The following ASPH variants were observed in gnomAD, a reference collection of about 807,000 sequenced individuals.
ASPH encodes the protein aspartate beta-hydroxylase.
In ASPH, 100 loss-of-function variants were observed where a neutral mutation model predicts 118.4. The ratio of observed to expected loss-of-function variants is 0.84; its 90% confidence interval spans 0.72 to 1.00. The LOEUF (loss-of-function observed/expected upper bound fraction) is 1.00, where lower values mean the gene tolerates loss of function less well. ASPH is among the 50% of genes least tolerant of loss of function. The probability of loss-of-function intolerance (pLI) is 0.00; values close to 1 mark genes in which losing one functional copy is unlikely to be tolerated. For missense variants in ASPH, 920 were observed against 919.5 expected (o/e 1.00, Z -0.01); for synonymous variants, 315 against 325.6 (o/e 0.97, Z 0.35).
At chr8:61,705,501 T>C (rs1449058827) in intron 1 of ASPH, among the ~76,000 whole-genome samples, 4 of 152,040 alleles carry the variant, frequency 2.6e-5, no homozygotes. Flanking sequence ...CTAAAAAATA[T>C]TATGCTGAGT....
intron 21 of ASPH, among the ~76,000 whole-genome samples, chr8:61,546,767 G>A (rs1824029054): frequency 6.6e-6 from 1 of 152,166 alleles, no homozygotes; most frequent in Admixed American, 6.5e-5. Flanking sequence ...ATTAATCAGT[G>A]AAGTCTTGTA....
At chr8:61,550,178 T>C (rs1198741947) in intron 20 of ASPH, among the ~76,000 whole-genome samples, 1 of 152,114 alleles carries the variant, frequency 6.6e-6, no homozygotes, top group Non-Finnish European at 1.5e-5. Flanking sequence ...AAAAAAAACC[T>C]AAACTACTTT....
intron 19 of ASPH, among the ~76,000 whole-genome samples, chr8:61,553,610 T>TTC (rs143859401): frequency 0.29 from 44,327 of 151,868 alleles, 8,451 homozygotes; most frequent in African/African-American, 0.54. Context: ...GATTTTTTTT[T>TTC]TTTTTACAAA....
At chr8:61,616,113 A>G (rs1015033468) in intron 14 of ASPH, among the ~76,000 whole-genome samples, 1 of 152,188 alleles carries the variant, frequency 6.6e-6, no homozygotes, top group Non-Finnish European at 1.5e-5. Flanking sequence ...GTACTGATCT[A>G]AAGTGCTAAT....
At chr8:61,620,404 G>C (rs989615704) in intron 13 of ASPH, among the ~76,000 whole-genome samples, 3 of 78,726 alleles carry the variant, frequency 3.8e-5, no homozygotes, top group Non-Finnish European at 7.8e-5. Context: ...TGCCAGTCTT[G>C]ACTTTTGCAA....
At chr8:61,613,321 C>T (rs1408342190) in intron 14 of ASPH, among the ~76,000 whole-genome samples, 1 of 152,226 alleles carries the variant, frequency 6.6e-6, no homozygotes, top group African/African-American at 2.4e-5. Context: ...CAAGCTGCAA[C>T]ATTAACTCTG....
intron 14 of ASPH, among the ~76,000 whole-genome samples, chr8:61,593,934 G>T (rs1291452425): frequency 6.6e-6 from 1 of 152,104 alleles, no homozygotes; most frequent in Admixed American, 6.6e-5. Context: ...TGTTTCTCTA[G>T]CCCTTAAGTT....
chr8:61,620,815 T>C (rs1850651243), intron 13 of ASPH, among the ~76,000 whole-genome samples: 1 of 152,214 alleles, frequency 6.6e-6, no homozygotes, highest in Non-Finnish European at 1.5e-5. Flanking sequence ...AAAATGCAAG[T>C]TTCTAACTGG....
At chr8:61,647,712 T>A (rs959199911) in intron 5 of ASPH, among the ~76,000 whole-genome samples, 7 of 151,934 alleles carry the variant, frequency 4.6e-5, no homozygotes, top group Admixed American at 2.0e-4. Context: ...TAAAAATAAA[T>A]AAAAATAAAT....
At chr8:61,533,873 T>C (rs759536013) in intron 21 of ASPH, among the ~76,000 whole-genome samples, 1 of 152,246 alleles carries the variant, frequency 6.6e-6, no homozygotes, top group Non-Finnish European at 1.5e-5. Context: ...CATTTTATTC[T>C]TGTATTGTCA....
At chr8:61,623,644 T>C (rs930458977) in intron 13 of ASPH, 1 of 152,186 alleles carries the variant, frequency 6.6e-6, no homozygotes, top group Non-Finnish European at 1.5e-5. Flanking sequence ...AATTTCCCCA[T>C]TGTTTTCTCT....
At chr8:61,517,253 T>C (rs1030163096) in intron 24 of ASPH, 5 of 370,782 alleles carry the variant, frequency 1.3e-5, no homozygotes, top group Admixed American at 4.0e-5. Context: ...AATGCACATC[T>C]GTCTACCCAG....
intron 1 of ASPH, among the ~76,000 whole-genome samples, chr8:61,704,191 T>A (rs1357459017): frequency 1.5e-5 from 1 of 66,880 alleles, no homozygotes; most frequent in African/African-American, 7.5e-5. Flanking sequence ...CGAGACTCCG[T>A]CTCAAAAAAA....
chr8:61,576,590 A>C (rs542463066), intron 16 of ASPH, 182 bp downstream of exon 16: 1 of 509,242 alleles, frequency 2.0e-6, no homozygotes, highest in South Asian at 4.0e-5. Context: ...GGGAGCAGAA[A>C]AAAATGTTAC....
At chr8:61,635,391 C>G (rs563540121) in intron 12 of ASPH, among the ~76,000 whole-genome samples, 1 of 152,052 alleles carries the variant, frequency 6.6e-6, no homozygotes, top group Non-Finnish European at 1.5e-5. Flanking sequence ...ACCATCTCTA[C>G]GACAATGGCT....
chr8:61,551,183 G>T (rs1384530427), intron 20 of ASPH, among the ~76,000 whole-genome samples: 1 of 152,114 alleles, frequency 6.6e-6, no homozygotes, highest in Non-Finnish European at 1.5e-5. Context: ...AGACCCTCAT[G>T]GTTTGTCCCC....
intron 1 of ASPH, among the ~76,000 whole-genome samples, chr8:61,693,679 T>C (rs894100076): frequency 2.0e-5 from 3 of 152,224 alleles, no homozygotes; most frequent in Non-Finnish European, 4.4e-5. Context: ...ACATTCACTC[T>C]TTGATCACAA....
chr8:61,544,104 T>C (rs1822943682), intron 21 of ASPH, among the ~76,000 whole-genome samples: 1 of 152,204 alleles, frequency 6.6e-6, no homozygotes, highest in African/African-American at 2.4e-5. Context: ...TGGAAAGCTA[T>C]GGTTTTCACT....
At position 61,546,271 on chromosome 8, in the gene ASPH, T is replaced by A. The variant is rs77753233; in HGVS notation, c.1764+1800A>T. Among the ~76,000 whole-genome samples the A allele has an allele frequency of 4.8e-4, 73 of 152,368 alleles. No individual in the cohort carries two copies. The East Asian group carries it at 0.013, about 28-fold the overall frequency. On this transcript the variant is annotated intron_variant, in intron 21 of 24. Coordinates refer to ENST00000379454, the MANE Select transcript of ASPH (RefSeq NM_004318.4). Reference sequence around the variant, plus strand: ...TGCCCTACTGCTAGGCTTCCAGCTATGTCAATCAGTAACATTTCTTGTTGT... The same window carrying A: ...TGCCCTACTGCTAGGCTTCCAGCTAAGTCAATCAGTAACATTTCTTGTTGT...
Sources: gnomAD v4.1 joint callset for allele counts (sites outside exome capture counted in the v4.1 genomes callset) on GRCh38, gnomAD v4.1.1 for gene constraint, MANE v1.5 for transcripts, NCBI Gene and HGNC (gene_info 2026-07-23, HGNC 2026-07-21) for gene names.